Variants in PCYT1A observed in about 807,000 individuals in gnomAD.
PCYT1A encodes choline-phosphate cytidylyltransferase A.
A neutral mutation model predicts 43.7 loss-of-function variants in PCYT1A; 25 were observed. That is an observed-to-expected ratio of 0.57 (90% CI 0.42 to 0.80). The LOEUF (loss-of-function observed/expected upper bound fraction) is 0.80, where lower values mean the gene tolerates loss of function less well. PCYT1A is among the 30% of genes least tolerant of loss of function. The pLI, the probability that PCYT1A is intolerant of heterozygous loss-of-function variation, is 0.00. For missense variants in PCYT1A, 421 were observed against 474.2 expected (o/e 0.89, Z 1.04); for synonymous variants, 172 against 170.7 (o/e 1.01, Z -0.06).
chr3:196,244,614 G>A (rs1301662287), intron 5 of PCYT1A, among the ~76,000 whole-genome samples: 6 of 152,184 alleles, frequency 3.9e-5, no homozygotes, highest in East Asian at 1.9e-4. Flanking sequence ...CATTGAGAAC[G>A]GGCCATGATG....
rs1389945259 is a variant in PCYT1A, at chr3:196,272,346, G to A, written c.-10-1805C>T. Among the ~76,000 whole-genome samples the A allele has an allele frequency of 2.6e-5, 4 of 152,108 alleles. No individual in the cohort carries two copies. In the East Asian group the frequency reaches 7.7e-4, roughly 29 times the overall value. On this transcript the variant is annotated intron_variant, in intron 1 of 8. Coordinates refer to ENST00000431016, the MANE Select transcript of PCYT1A (RefSeq NM_001312673.2). ...ATTACAGGCACCCACCACCACGCCT[G>A]GCTAATTTTTTGTATTTTTAGTAGA...
chr3:196,266,410 T>C (rs910972813), intron 2 of PCYT1A, among the ~76,000 whole-genome samples: 1 of 151,602 alleles, frequency 6.6e-6, no homozygotes, highest in African/African-American at 2.4e-5. Flanking sequence ...GAGGCGGAGC[T>C]TGCAGTGAGC....
In PCYT1A at chr3:196,234,688, A is replaced by C. The variant is rs1577349909; in HGVS notation, c.*4000T>G. The C allele has an allele frequency of 6.6e-6, 1 of 152,236 alleles. No homozygotes were observed. The highest frequency in any genetic ancestry group is 6.5e-5 in the Admixed American group (1 of 15,280). 9.4% of individuals were successfully genotyped at this position (152,236 alleles called of 1,614,324 possible). On this transcript the variant is annotated 3_prime_UTR_variant, in exon 9 of 9. Transcript: ENST00000431016. ...CACAACCCAAGTCATCCCAGTGTTA[A>C]ACCTGGTGCTTCCGTTTTCTGCCTC... is the stretch of plus-strand genomic sequence containing the variant.
chr3:196,257,955 A>C (rs1432305953), intron 2 of PCYT1A, 68 bp from the exon 3 acceptor site: 3 of 877,186 alleles, frequency 3.4e-6, no homozygotes, highest in Non-Finnish European at 5.5e-6. Context: ...ACTAAAAAAA[A>C]AAAAGATGAG....
intron 1 of PCYT1A, among the ~76,000 whole-genome samples, chr3:196,275,566 C>T (rs1271918093): frequency 1.3e-5 from 2 of 152,024 alleles, no homozygotes; most frequent in Non-Finnish European, 2.9e-5. Context: ...AACCCCATCT[C>T]TACTAAAAGT....
chr3:196,280,880 C>A (rs773326047), intron 1 of PCYT1A, among the ~76,000 whole-genome samples: 3 of 152,074 alleles, frequency 2.0e-5, no homozygotes, highest in Non-Finnish European at 4.4e-5. Context: ...ACTGAAACCA[C>A]GGAAAGTAAA....
rs532700243 is a variant in PCYT1A, at chr3:196,252,547, G to A, written c.218-4224C>T. ...TGAGCCACCATGCCCAGCCCAGGCT[G>A]GTTGTATTGATTTTATAATACAGGA... On this transcript the variant is annotated intron_variant, in intron 3 of 8. Transcript: ENST00000431016. The surrounding 1 kb of genome is among the most constrained non-coding windows in gnomAD (Gnocchi z 4.0). Among the ~76,000 whole-genome samples the A allele has an allele frequency of 7.2e-5, 11 of 152,276 alleles. No individual in the cohort carries two copies. In the South Asian group the frequency reaches 1.5e-3, roughly 20 times the overall value.
chr3:196,286,587 A>G (rs1255574100), intron 1 of PCYT1A, among the ~76,000 whole-genome samples: 1 of 152,222 alleles, frequency 6.6e-6, no homozygotes, highest in Non-Finnish European at 1.5e-5. Flanking sequence ...AAACACACTG[A>G]AAGTTTCTAT....
chr3:196,276,186 C>CA (rs895372601), intron 1 of PCYT1A, among the ~76,000 whole-genome samples: 10 of 151,738 alleles, frequency 6.6e-5, no homozygotes, highest in South Asian at 4.2e-4. Flanking sequence ...GTTTTCACCA[C>CA]AAAAAAATAA....
At chr3:196,248,067 T>C (rs1465678911) in intron 4 of PCYT1A, 140 bp downstream of exon 4, 10 of 662,030 alleles carry the variant, frequency 1.5e-5, no homozygotes, top group Non-Finnish European at 2.7e-5. Context: ...GGTACCCATA[T>C]ACTTCATGTG....
At chr3:196,241,251 C>G (rs568425482) in intron 7 of PCYT1A, among the ~76,000 whole-genome samples, 1 of 151,466 alleles carries the variant, frequency 6.6e-6, no homozygotes, top group Non-Finnish European at 1.5e-5. Flanking sequence ...GAGCCGAGAT[C>G]ACGCCACTGC....
rs1339175460 is a variant in PCYT1A, at chr3:196,236,331, C to T, written c.*2357G>A. The T allele has an allele frequency of 4.6e-5, 7 of 152,302 alleles. No homozygotes were observed. The highest frequency in any genetic ancestry group is 7.3e-5 in the Non-Finnish European group (5 of 68,110). The allele number at this position is 152,302 out of a possible 1,614,324, so 9.4% of individuals were successfully genotyped here. On this transcript the variant is annotated 3_prime_UTR_variant, in exon 9 of 9. Coordinates refer to ENST00000431016, the MANE Select transcript of PCYT1A (RefSeq NM_001312673.2). ...GCACAGACTTCACTGCCACACCACACCAGGGAGAATAAGTTAGACAGAAAC... is the reference window on the plus strand; with the variant it reads ...GCACAGACTTCACTGCCACACCACATCAGGGAGAATAAGTTAGACAGAAAC...
At chr3:196,266,137 C>G (rs1725266540) in intron 2 of PCYT1A, among the ~76,000 whole-genome samples, 1 of 151,976 alleles carries the variant, frequency 6.6e-6, no homozygotes, top group African/African-American at 2.4e-5. Flanking sequence ...TCTTGTTTAT[C>G]TTTACACGTC....
At chr3:196,276,009 A>G (rs1197050319) in intron 1 of PCYT1A, among the ~76,000 whole-genome samples, 1 of 150,712 alleles carries the variant, frequency 6.6e-6, no homozygotes, top group Non-Finnish European at 1.5e-5. Flanking sequence ...AGGCAGGAGA[A>G]TGGTGTGAAC....
intron 3 of PCYT1A, chr3:196,251,323 G>A (rs1327998484): frequency 6.0e-6 from 1 of 166,576 alleles, no homozygotes; most frequent in Non-Finnish European, 1.3e-5. Context: ...TGCTGAGGCT[G>A]AGGACCAGAT....
intron 2 of PCYT1A, among the ~76,000 whole-genome samples, chr3:196,264,933 G>T (rs1220664184): frequency 6.6e-6 from 1 of 152,190 alleles, no homozygotes; most frequent in Non-Finnish European, 1.5e-5. Flanking sequence ...AAATGAGATT[G>T]TGAGGCCTAC....
chr3:196,263,349 A>G (rs1339298766), intron 2 of PCYT1A, among the ~76,000 whole-genome samples: 1 of 152,070 alleles, frequency 6.6e-6, no homozygotes, highest in Admixed American at 6.5e-5. Flanking sequence ...CTGAGCAGCT[A>G]GGACCACAGG....
At chr3:196,270,031 G>A (rs527683391) in intron 2 of PCYT1A, among the ~76,000 whole-genome samples, 4 of 152,054 alleles carry the variant, frequency 2.6e-5, no homozygotes, top group South Asian at 2.1e-4. Context: ...GCGCCACCAC[G>A]CCCGGCTAAT....
At position 196,238,621 on chromosome 3, in the gene PCYT1A, G is replaced by T; in HGVS notation, c.*67C>A. ...GGTTTAGTGTTGGGGTCACAATTTGGAATTCAACAGAGAGCTTCTGAAGGT... is the reference window on the plus strand; with the variant it reads ...GGTTTAGTGTTGGGGTCACAATTTGTAATTCAACAGAGAGCTTCTGAAGGT... On this transcript the variant is annotated 3_prime_UTR_variant, in exon 9 of 9. Coordinates refer to ENST00000431016, the MANE Select transcript of PCYT1A (RefSeq NM_001312673.2). 2 of 1,085,902 alleles carry T rather than the reference G, an allele frequency of 1.8e-6. No individual in the cohort carries two copies. The highest frequency in any genetic ancestry group is 2.9e-5 in the Admixed American group (1 of 35,082). The allele number at this position is 1,085,902 out of a possible 1,614,324, so 67.3% of individuals were successfully genotyped here. A position where few individuals can be genotyped will look rare whatever the true frequency, so the allele number is the denominator to read the frequency against.
Sources: gnomAD v4.1 joint callset for allele counts (sites outside exome capture counted in the v4.1 genomes callset) on GRCh38, gnomAD v4.1.1 for gene constraint, Gnocchi (gnomAD v3.1) non-coding constraint, MANE v1.5 for transcripts, NCBI Gene and HGNC (gene_info 2026-07-23, HGNC 2026-07-21) for gene names.